Variants in CSMD1 observed in about 807,000 individuals in gnomAD.
The protein encoded by CSMD1 is CUB and Sushi multiple domains 1.
A neutral mutation model predicts 417.5 loss-of-function variants in CSMD1; 213 were observed. The observed-to-expected ratio is 0.51, with a 90% CI of 0.46 to 0.57. CSMD1 has a LOEUF of 0.57. CSMD1 is among the 20% of genes least tolerant of loss of function. The pLI is 0.00. For synonymous variants in CSMD1, 2,862 were observed against 1,736.8 expected, an observed-to-expected ratio of 1.65 and a Z score of -16.11; for missense variants, 6,923 against 4,529.7, an observed-to-expected ratio of 1.53 and a Z score of -15.17.
chr8:3,806,774 T>G (rs961063883), intron 5 of CSMD1, among the ~76,000 whole-genome samples: 1 of 152,200 alleles, frequency 6.6e-6, no homozygotes, highest in Non-Finnish European at 1.5e-5. Flanking sequence ...AAAATGTTAG[T>G]TGTTTTAGCT....
At chr8:4,610,646 A>G (rs1801119426) in intron 2 of CSMD1, among the ~76,000 whole-genome samples, 1 of 152,198 alleles carries the variant, frequency 6.6e-6, no homozygotes, top group African/African-American at 2.4e-5. Flanking sequence ...CTGATTATAA[A>G]TAGTTGATTT....
At chr8:4,393,100 C>T (rs1027098571) in intron 3 of CSMD1, among the ~76,000 whole-genome samples, 8 of 152,184 alleles carry the variant, frequency 5.3e-5, no homozygotes, top group South Asian at 2.1e-4. Flanking sequence ...CTCAATCTCC[C>T]GAGTAGCTGG....
chr8:4,234,858 GT>G, intron 3 of CSMD1, among the ~76,000 whole-genome samples: 1 of 152,168 alleles, frequency 6.6e-6, no homozygotes, highest in Non-Finnish European at 1.5e-5. Context: ...TTCTTGCTCT[GT>G]CCCCACGTAG....
chr8:4,374,474 C>A lies in CSMD1; in HGVS notation c.415+45479G>T, dbSNP rs11136737. ...TCTGTCCTACGGAGTGAAAGGAAGA[C>A]AGCTTGCTACTGGCAGGAGTGAGGA... is the stretch of plus-strand genomic sequence containing the variant. On this transcript the variant is annotated intron_variant, in intron 3 of 69. Transcript: ENST00000635120. Among the ~76,000 whole-genome samples, 560 of 151,978 alleles carry A rather than the reference C, an allele frequency of 3.7e-3. 2 individuals carry two copies. Among genetic ancestry groups the A allele is most frequent in the African/African-American group, 0.012 (516 of 41,488 alleles).
At chr8:4,032,891 T>A (rs1301497298) in intron 3 of CSMD1, among the ~76,000 whole-genome samples, 1 of 152,054 alleles carries the variant, frequency 6.6e-6, no homozygotes, top group Non-Finnish European at 1.5e-5. Context: ...CGTGGTGGGA[T>A]GGGGCAGTCA....
chr8:3,130,276 C>A (rs1445274376), intron 41 of CSMD1, among the ~76,000 whole-genome samples: 4 of 152,066 alleles, frequency 2.6e-5, no homozygotes, highest in African/African-American at 9.7e-5. Context: ...GACAGTTGAG[C>A]AGGAAGATGG....
chr8:4,127,621 T>A (rs1802844255), intron 3 of CSMD1, among the ~76,000 whole-genome samples: 1 of 152,114 alleles, frequency 6.6e-6, no homozygotes, highest in Admixed American at 6.6e-5. Flanking sequence ...ACACCCAAAG[T>A]ACCTGTATGC....
intron 7 of CSMD1, among the ~76,000 whole-genome samples, chr8:3,696,968 A>T (rs943855814): frequency 3.9e-5 from 6 of 152,008 alleles, no homozygotes; most frequent in African/African-American, 9.7e-5. Context: ...AGAGTTTGGG[A>T]CTGTAGATCG....
At chr8:3,445,548 G>A (rs966003518) in intron 12 of CSMD1, among the ~76,000 whole-genome samples, 1 of 151,996 alleles carries the variant, frequency 6.6e-6, no homozygotes, top group African/African-American at 2.4e-5. Context: ...TTTTTTAATA[G>A]AACAGACTTC....
intron 1 of CSMD1, among the ~76,000 whole-genome samples, chr8:4,918,286 T>G (rs1409169357): frequency 6.6e-6 from 1 of 152,168 alleles, no homozygotes. Flanking sequence ...ACAGACTTAT[T>G]TTTGTATTTA....
At chr8:4,489,118 G>A (rs900849602) in intron 2 of CSMD1, among the ~76,000 whole-genome samples, 1 of 152,064 alleles carries the variant, frequency 6.6e-6, no homozygotes, top group Non-Finnish European at 1.5e-5. Flanking sequence ...CACCATGTCG[G>A]CCAGGCTGGT....
chr8:3,358,260 C>G (rs1216325956), intron 21 of CSMD1, among the ~76,000 whole-genome samples: 2 of 152,116 alleles, frequency 1.3e-5, no homozygotes, highest in African/African-American at 4.8e-5. Flanking sequence ...TAAGGAGAAC[C>G]TTGGTTAATC....
intron 26 of CSMD1, among the ~76,000 whole-genome samples, chr8:3,274,981 C>G (rs187393689): frequency 6.5e-4 from 99 of 152,122 alleles, no homozygotes; most frequent in African/African-American, 2.2e-3. Context: ...ATGATGTTAG[C>G]TGGTTATTTT....
intron 46 of CSMD1, among the ~76,000 whole-genome samples, chr8:3,105,253 G>C (rs563458530): frequency 6.6e-6 from 1 of 152,178 alleles, no homozygotes; most frequent in African/African-American, 2.4e-5. Flanking sequence ...GCCTGATGGG[G>C]TGACTCTGGC....
chr8:3,669,589 G>A (rs939404356), intron 7 of CSMD1, among the ~76,000 whole-genome samples: 3 of 152,160 alleles, frequency 2.0e-5, no homozygotes, highest in Non-Finnish European at 2.9e-5. Flanking sequence ...AGACTCTTCC[G>A]GACAGAAAAT....
intron 1 of CSMD1, among the ~76,000 whole-genome samples, chr8:4,785,425 A>T (rs1175965898): frequency 6.6e-6 from 1 of 152,148 alleles, no homozygotes; most frequent in Non-Finnish European, 1.5e-5. Flanking sequence ...ATGCCCCCAC[A>T]GTGGGTTAGA....
At chr8:4,689,561 C>G (rs927931731) in intron 1 of CSMD1, among the ~76,000 whole-genome samples, 10 of 152,142 alleles carry the variant, frequency 6.6e-5, no homozygotes, top group African/African-American at 2.4e-4. Context: ...ATTCAAGTTA[C>G]AATACATTTT....
intron 3 of CSMD1, among the ~76,000 whole-genome samples, chr8:4,202,432 C>A (rs1047432467): frequency 6.6e-6 from 1 of 152,060 alleles, no homozygotes. Flanking sequence ...ATGTAGAGGT[C>A]GTGGAAATGT....
intron 3 of CSMD1, among the ~76,000 whole-genome samples, chr8:4,274,207 T>C (rs912878327): frequency 7.2e-5 from 11 of 152,104 alleles, no homozygotes; most frequent in African/African-American, 1.2e-4. Flanking sequence ...GAGAAGAAAA[T>C]AGTTTATAAA....
Sources: gnomAD v4.1 joint callset for allele counts (sites outside exome capture counted in the v4.1 genomes callset) on GRCh38, gnomAD v4.1.1 for gene constraint, MANE v1.5 for transcripts, NCBI Gene and HGNC (gene_info 2026-07-23, HGNC 2026-07-21) for gene names.